ATG7: variants seen among roughly 807,000 people sequenced by gnomAD.
The protein encoded by ATG7 is autophagy related 7, also known as ubiquitin-like modifier-activating enzyme ATG7.
In ATG7, 70 loss-of-function variants were observed where a neutral mutation model predicts 82.4. The ratio of observed to expected loss-of-function variants is 0.85; its 90% CI spans 0.70 to 1.04. The LOEUF (loss-of-function observed/expected upper bound fraction) is 1.04. Among genes scored for constraint, ATG7 ranks in the 50% least tolerant of loss-of-function variants. The probability of loss-of-function intolerance (pLI) is 0.00; values close to 1 mark genes in which losing one functional copy is unlikely to be tolerated. For synonymous variants in ATG7, 287 were observed against 313.0 expected (o/e 0.92, Z 0.88); for missense variants, 792 against 864.3 (o/e 0.92, Z 1.05).
At chr3:11,539,288 A>G (rs1312493805) in intron 20 of ATG7, among the ~76,000 whole-genome samples, 1 of 152,236 alleles carries the variant, frequency 6.6e-6, no homozygotes, top group African/African-American at 2.4e-5. Context: ...CAGAGGCACA[A>G]AGAGATTAAA....
intron 19 of ATG7, among the ~76,000 whole-genome samples, chr3:11,403,335 C>CTTTT (rs59538035): frequency 2.1e-5 from 3 of 144,920 alleles, no homozygotes; most frequent in Admixed American, 6.8e-5. Flanking sequence ...CAAGGGTTTT[C>CTTTT]TTTTTTTTTT....
chr3:11,541,340 C>T (rs79603268), intron 20 of ATG7, among the ~76,000 whole-genome samples: 5,335 of 152,272 alleles, frequency 0.035, 113 homozygotes, highest in African/African-American at 0.055. Context: ...TGTCCTTTCT[C>T]GTCAAATTAC....
intron 20 of ATG7, among the ~76,000 whole-genome samples, chr3:11,496,770 GGAAAA>G (rs2090865418): frequency 6.6e-6 from 1 of 151,900 alleles, no homozygotes; most frequent in Non-Finnish European, 1.5e-5. Flanking sequence ...TTCTGAAGCT[GGAAAA>G]GAAAAATAAA....
intron 20 of ATG7, among the ~76,000 whole-genome samples, chr3:11,520,038 A>G (rs1183975421): frequency 6.6e-6 from 1 of 152,138 alleles, no homozygotes; most frequent in Admixed American, 6.6e-5. Context: ...GAGTGAGGGA[A>G]GGAGAGATCC....
chr3:11,323,831 TC>T (rs371854424), intron 9 of ATG7, among the ~76,000 whole-genome samples: 424 of 152,330 alleles, frequency 2.8e-3, no homozygotes, highest in African/African-American at 9.9e-3. Flanking sequence ...TTCAGTTTTT[TC>T]CCCCATACTT....
intron 20 of ATG7, among the ~76,000 whole-genome samples, chr3:11,468,354 G>C (rs1050845291): frequency 2.0e-5 from 3 of 152,138 alleles, no homozygotes; most frequent in Non-Finnish European, 4.4e-5. Context: ...TTCCCTGGAA[G>C]AACTGATGGC....
At chr3:11,466,122 A>G (rs1252373120) in intron 20 of ATG7, among the ~76,000 whole-genome samples, 1 of 152,242 alleles carries the variant, frequency 6.6e-6, no homozygotes, top group Non-Finnish European at 1.5e-5. Flanking sequence ...TCCCCCAGGC[A>G]TGAGAAGAAC....
intron 15 of ATG7, among the ~76,000 whole-genome samples, chr3:11,359,201 T>C (rs1193835445): frequency 6.6e-6 from 1 of 150,888 alleles, no homozygotes; most frequent in East Asian, 1.9e-4. Context: ...AGAGGGAGAG[T>C]ATGGGAGAGA....
intron 16 of ATG7, among the ~76,000 whole-genome samples, chr3:11,361,002 C>T (rs1312639648): frequency 1.3e-5 from 2 of 152,152 alleles, no homozygotes; most frequent in Non-Finnish European, 2.9e-5. Context: ...AACGCGGCTA[C>T]AAACCATATT....
At chr3:11,528,921 A>T (rs1575204569) in intron 20 of ATG7, among the ~76,000 whole-genome samples, 1 of 152,046 alleles carries the variant, frequency 6.6e-6, no homozygotes. Context: ...AAGATGTTGG[A>T]CTCATGACTG....
At chr3:11,466,112 T>A (rs947493535) in intron 20 of ATG7, among the ~76,000 whole-genome samples, 5 of 152,276 alleles carry the variant, frequency 3.3e-5, no homozygotes, top group Admixed American at 2.6e-4. Flanking sequence ...AATGGAATAA[T>A]CCCCCAGGCA....
intron 14 of ATG7, among the ~76,000 whole-genome samples, chr3:11,349,268 C>T (rs1955090283): frequency 6.6e-6 from 1 of 152,148 alleles, no homozygotes; most frequent in Non-Finnish European, 1.5e-5. Flanking sequence ...CCAGGAAGTC[C>T]AGCTGGTTTC....
chr3:11,282,201 A>G lies in ATG7; in HGVS notation c.-248A>G, dbSNP rs763417298. ...CTGTCCCTCCCATGTAGGCTTCTCA[A>G]ACCCCATAATGCTGGTATCCAGTGC... On this transcript the variant is annotated 5_prime_UTR_variant, in exon 3 of 21. Coordinates refer to ENST00000693202, the MANE Select transcript of ATG7 (RefSeq NM_001349232.2). 2.0e-5 allele frequency: 3 copies of G among 152,216 alleles called. No individual in the cohort carries two copies. Among genetic ancestry groups the G allele is most frequent in the Non-Finnish European group, 4.4e-5 (3 of 68,042 alleles). The allele number at this position is 152,216 out of a possible 1,614,324, so 9.4% of individuals were successfully genotyped here. A position where few individuals can be genotyped will look rare whatever the true frequency, so the allele number is the denominator to read the frequency against.
chr3:11,512,449 G>C (rs2092106932), intron 20 of ATG7, among the ~76,000 whole-genome samples: 7 of 152,202 alleles, frequency 4.6e-5, no homozygotes, highest in Admixed American at 4.6e-4. Flanking sequence ...CAGGATTAAT[G>C]TTCCATCTCA....
intron 20 of ATG7, among the ~76,000 whole-genome samples, chr3:11,463,066 G>A (rs1027138408): frequency 1.3e-5 from 2 of 151,824 alleles, no homozygotes; most frequent in African/African-American, 2.4e-5. Flanking sequence ...TGAATTTTTA[G>A]TAGAGATGGG....
intron 3 of ATG7, among the ~76,000 whole-genome samples, chr3:11,296,325 C>A (rs1172983230): frequency 2.0e-5 from 3 of 152,156 alleles, no homozygotes; most frequent in African/African-American, 7.2e-5. Context: ...ACTCAAGCTG[C>A]CATTCTCCTA....
chr3:11,374,417 G>A (rs1005019302), intron 18 of ATG7, among the ~76,000 whole-genome samples: 3 of 152,174 alleles, frequency 2.0e-5, no homozygotes, highest in African/African-American at 4.8e-5. Context: ...TTCATACCAT[G>A]TTAAAAAATT....
At chr3:11,562,986 G>A in the ATG7 span, among the ~76,000 whole-genome samples, 8 of 152,386 alleles carry the variant, frequency 5.2e-5, no homozygotes, top group Admixed American at 3.9e-4. Context: ...GGGAGAGGGA[G>A]ACAGGGTAAA....
rs1436355394 is a variant in ATG7, at chr3:11,391,554, A to ATGCC, written c.1956+11511_1956+11514dup. ...GCATGGCAGTGCTGGGCTCAGGGTGATGCCTGCCTGCCAGCACAGCGGTTC... is the reference window on the plus strand; with the variant it reads ...GCATGGCAGTGCTGGGCTCAGGGTGATGCCTGCCTGCCTGCCAGCACAGCGGTTC... On this transcript the variant is annotated intron_variant, in intron 19 of 20. Coordinates refer to ENST00000693202, the MANE Select transcript of ATG7 (RefSeq NM_001349232.2). 1.2e-4 allele frequency among the ~76,000 whole-genome samples: 18 copies of ATGCC among 152,300 alleles called. No homozygotes were observed. In the East Asian group the frequency reaches 3.3e-3, roughly 28 times the overall value.
Sources: allele counts gnomAD v4.1 joint callset (sites outside exome capture counted in the v4.1 genomes callset), GRCh38; gene constraint gnomAD v4.1.1; transcripts MANE v1.5; gene names NCBI Gene and HGNC (gene_info 2026-07-23, HGNC 2026-07-21).